Variants in RBPJ observed in about 807,000 individuals in gnomAD.
RBPJ encodes recombination signal binding protein for immunoglobulin kappa J region, also known as recombining binding protein suppressor of hairless.
A neutral mutation model predicts 67.8 loss-of-function variants in RBPJ; 9 were observed. That is an observed-to-expected ratio of 0.13 (90% CI 0.08 to 0.23). The LOEUF is 0.23. RBPJ is among the 10% of genes least tolerant of loss of function. RBPJ has a pLI of 1.00. For missense variants in RBPJ, 305 were observed against 595.6 expected, an observed-to-expected ratio of 0.51 and a Z score of 5.08; for synonymous variants, 198 against 203.3, an observed-to-expected ratio of 0.97 and a Z score of 0.22.
intron 1 of RBPJ, chr4:26,367,894 A>C (rs1006075605): frequency 6.6e-6 from 1 of 152,248 alleles, no homozygotes; most frequent in South Asian, 2.1e-4. Context: ...AAAGATGAAG[A>C]CTTCTGGTAA....
chr4:26,109,103 C>CTTT, the RBPJ span, among the ~76,000 whole-genome samples: 13 of 130,032 alleles, frequency 1.0e-4, no homozygotes, highest in East Asian at 2.4e-4. Flanking sequence ...TTGCCTTCCT[C>CTTT]TTTTTTTTTT....
intron 1 of RBPJ, among the ~76,000 whole-genome samples, chr4:26,185,416 T>G (rs1354209013): frequency 6.6e-6 from 1 of 152,178 alleles, no homozygotes; most frequent in East Asian, 1.9e-4. Context: ...GTAATGCGTT[T>G]TCCTCACTGC....
At chr4:26,429,295 T>C (rs1365617876) in intron 8 of RBPJ, among the ~76,000 whole-genome samples, 1 of 152,232 alleles carries the variant, frequency 6.6e-6, no homozygotes, top group Non-Finnish European at 1.5e-5. Context: ...AAAGCTAATG[T>C]TTTACATTTA....
intron 1 of RBPJ, among the ~76,000 whole-genome samples, chr4:26,225,867 G>T (rs1402143089): frequency 6.6e-6 from 1 of 152,164 alleles, no homozygotes; most frequent in African/African-American, 2.4e-5. Flanking sequence ...AAAGGAATAG[G>T]CCAGGCATGG....
intron 3 of RBPJ, chr4:26,412,877 C>A (rs1469047081): frequency 6.6e-6 from 1 of 152,232 alleles, no homozygotes; most frequent in African/African-American, 2.4e-5. Flanking sequence ...TAGACTTGAA[C>A]TGAACCCACT....
intron 1 of RBPJ, among the ~76,000 whole-genome samples, chr4:26,367,006 C>A (rs191062703): frequency 2.9e-4 from 44 of 151,922 alleles, no homozygotes; most frequent in Non-Finnish European, 6.0e-4. Context: ...CGCCTGTAAT[C>A]CCAGCTACTC....
At chr4:26,220,599 C>T (rs1482959831) in intron 1 of RBPJ, among the ~76,000 whole-genome samples, 1 of 152,166 alleles carries the variant, frequency 6.6e-6, no homozygotes, top group Non-Finnish European at 1.5e-5. Flanking sequence ...CTTGCCTCTC[C>T]CTGGGTCCCA....
At chr4:26,173,124 G>A (rs542241182) in intron 1 of RBPJ, among the ~76,000 whole-genome samples, 3 of 152,098 alleles carry the variant, frequency 2.0e-5, no homozygotes, top group South Asian at 2.1e-4. Flanking sequence ...AGGGTATGTT[G>A]GGATTTTTTC....
At position 26,215,089 on chromosome 4, in the gene RBPJ, CAGAA is replaced by C. The variant is rs1176806494; in HGVS notation, c.-167+51479_-167+51482del. ...GAAAGAGAAAAAGAGAGAAAAAAGA[CAGAA>C]AGAGAAAGAAAGAAAAAGAAAGAAA... On this transcript the variant is annotated intron_variant, in intron 1 of 4. Transcript: ENST00000512351. Among the ~76,000 whole-genome samples, 22 of 31,006 alleles carry C rather than the reference CAGAA, an allele frequency of 7.1e-4. 1 individual carries two copies. Among genetic ancestry groups the C allele is most frequent in the Admixed American group, 1.0e-3 (2 of 1,970 alleles). The allele number at this position is 31,006 out of a possible 152,430, so 20.3% of individuals were successfully genotyped here.
rs909115649 is a variant in RBPJ, at chr4:26,297,252, C to T, written c.-166-65194C>T. ...TCAAGGCTGCAGTGGGCAGTGAGCA[C>T]ACCACAGCACTCAGCACTCTAGCCG... On this transcript the variant is annotated intron_variant, in intron 1 of 4. Coordinates refer to the RBPJ transcript ENST00000512351. 1.2e-4 allele frequency among the ~76,000 whole-genome samples: 18 copies of T among 152,092 alleles called. 1 individual carries two copies. The highest frequency in any genetic ancestry group is 4.3e-4 in the African/African-American group (18 of 41,404).
At chr4:26,252,123 A>G (rs947917559) in intron 1 of RBPJ, among the ~76,000 whole-genome samples, 2 of 151,650 alleles carry the variant, frequency 1.3e-5, no homozygotes, top group Non-Finnish European at 2.9e-5. Flanking sequence ...ATTTTATTGC[A>G]TGGATGGATA....
At chr4:26,243,246 A>C (rs1202642250) in intron 1 of RBPJ, among the ~76,000 whole-genome samples, 1 of 152,166 alleles carries the variant, frequency 6.6e-6, no homozygotes, top group Non-Finnish European at 1.5e-5. Context: ...AATAATAATG[A>C]TAAAAAGTAA....
intron 1 of RBPJ, among the ~76,000 whole-genome samples, chr4:26,336,501 A>AAACAG (rs1166016104): frequency 1.3e-5 from 2 of 151,914 alleles, no homozygotes; most frequent in African/African-American, 4.8e-5. Context: ...AAACAAAACA[A>AAACAG]AACAAAACAA....
chr4:26,212,783 C>T (rs536703745), intron 1 of RBPJ, among the ~76,000 whole-genome samples: 1 of 152,190 alleles, frequency 6.6e-6, no homozygotes, highest in Middle Eastern at 3.4e-3. Flanking sequence ...CTTGGTCTTT[C>T]AGTATGAGAT....
chr4:26,359,413 ATT>A (rs56112785), intron 1 of RBPJ, among the ~76,000 whole-genome samples: 14 of 129,046 alleles, frequency 1.1e-4, no homozygotes, highest in African/African-American at 3.5e-4. Flanking sequence ...TAACACCTTC[ATT>A]TTTTTTTTTT....
At chr4:26,203,428 C>A (rs1718060781) in intron 1 of RBPJ, among the ~76,000 whole-genome samples, 2 of 152,298 alleles carry the variant, frequency 1.3e-5, no homozygotes, top group East Asian at 1.9e-4. Context: ...GGTCTCCATA[C>A]CCCTATCTCT....
intron 1 of RBPJ, among the ~76,000 whole-genome samples, chr4:26,239,691 G>C (rs913798531): frequency 6.8e-6 from 1 of 147,442 alleles, no homozygotes; most frequent in Non-Finnish European, 1.5e-5. Context: ...GGGAAGGAAA[G>C]TAACAGAGAA....
intron 1 of RBPJ, among the ~76,000 whole-genome samples, chr4:26,376,617 C>G (rs1281430770): frequency 6.6e-6 from 1 of 152,028 alleles, no homozygotes; most frequent in Non-Finnish European, 1.5e-5. Context: ...CTTTTAATTC[C>G]AGCTTCTGTT....
upstream of RBPJ, among the ~76,000 whole-genome samples, chr4:26,158,845 A>G (rs1348655753): frequency 2.6e-5 from 4 of 152,184 alleles, no homozygotes. Context: ...TTGAAAGATG[A>G]GGAACTAAAA....
Sources: gnomAD v4.1 joint callset for allele counts (sites outside exome capture counted in the v4.1 genomes callset) on GRCh38, gnomAD v4.1.1 for gene constraint, MANE v1.5 for transcripts, NCBI Gene and HGNC (gene_info 2026-07-23, HGNC 2026-07-21) for gene names.